The following HDAC9 variants were observed in gnomAD, a reference collection of about 807,000 sequenced individuals.
HDAC9 encodes MEF-2 interacting transcription repressor (MITR) protein.
HDAC9 carries 41 observed loss-of-function variants against 139.4 expected under a neutral mutation model. The observed-to-expected ratio is 0.29, with a 90% CI of 0.23 to 0.38. The LOEUF (loss-of-function observed/expected upper bound fraction) is 0.38. HDAC9 is among the 10% of genes least tolerant of loss of function. HDAC9 has a pLI of 1.00. For missense variants in HDAC9, 1,147 were observed against 1,297.0 expected (o/e 0.88, Z 1.78); for synonymous variants, 517 against 476.2 (o/e 1.09, Z -1.12).
chr7:18,803,053 C>G (rs910151895), intron 17 of HDAC9, among the ~76,000 whole-genome samples: 1 of 151,412 alleles, frequency 6.6e-6, no homozygotes, highest in Non-Finnish European at 1.5e-5. Flanking sequence ...TTGGTTTGTC[C>G]CCTTACTTTC....
At chr7:18,727,890 C>A in intron 13 of HDAC9, 133 bp downstream of exon 13, 2 of 620,614 alleles carry the variant, frequency 3.2e-6, no homozygotes, top group Non-Finnish European at 5.1e-6. Context: ...CCAAATTTTA[C>A]GAGGTTATAT....
chr7:18,717,391 C>A (rs1484929502), intron 12 of HDAC9, among the ~76,000 whole-genome samples: 1 of 151,856 alleles, frequency 6.6e-6, no homozygotes, highest in East Asian at 1.9e-4. Context: ...TTTTACTGAG[C>A]ACTTCACCTT....
chr7:18,562,964 T>G (rs1164047399), intron 2 of HDAC9, among the ~76,000 whole-genome samples: 1 of 152,170 alleles, frequency 6.6e-6, no homozygotes, highest in Non-Finnish European at 1.5e-5. Flanking sequence ...TTTGCACTTT[T>G]GTTAAATTTA....
intron 12 of HDAC9, among the ~76,000 whole-genome samples, chr7:18,718,951 A>G (rs925682660): frequency 6.6e-6 from 1 of 152,162 alleles, no homozygotes; most frequent in African/African-American, 2.4e-5. Context: ...TTTTTTATTT[A>G]TAATAAACAT....
chr7:18,907,189 G>T (rs889967641), intron 22 of HDAC9, among the ~76,000 whole-genome samples: 7 of 152,128 alleles, frequency 4.6e-5, no homozygotes, highest in African/African-American at 1.7e-4. Flanking sequence ...ATGGAAAGGT[G>T]TATTTTTTCT....
At chr7:18,109,700 C>G (rs1783480848) in intron 1 of HDAC9, among the ~76,000 whole-genome samples, 1 of 151,676 alleles carries the variant, frequency 6.6e-6, no homozygotes, top group African/African-American at 2.4e-5. Context: ...GTTGGACATT[C>G]TTTGTAAAAT....
At chr7:18,957,357 C>T (rs1783224336) in intron 24 of HDAC9, among the ~76,000 whole-genome samples, 1 of 152,154 alleles carries the variant, frequency 6.6e-6, no homozygotes, top group Admixed American at 6.6e-5. Flanking sequence ...GAGTCTTAAA[C>T]TTCATAATGG....
At chr7:18,469,942 C>T (rs1053726841) in intron 1 of HDAC9, among the ~76,000 whole-genome samples, 12 of 152,052 alleles carry the variant, frequency 7.9e-5, no homozygotes, top group African/African-American at 2.9e-4. Context: ...ATATAAGGAG[C>T]TATGTCAGAA....
chr7:18,286,273 T>C (rs190223227), upstream of HDAC9, among the ~76,000 whole-genome samples: 478 of 151,928 alleles, frequency 3.1e-3, 1 homozygote, highest in Non-Finnish European at 5.5e-3. Context: ...TCTCTAAAAA[T>C]TGTATCATCA....
chr7:18,648,023 A>G, intron 10 of HDAC9, 25 bp downstream of exon 10: 1 of 1,522,186 alleles, frequency 6.6e-7, no homozygotes, highest in Non-Finnish European at 9.0e-7. Flanking sequence ...CACCATTTGC[A>G]GGTCATTTTA....
intron 25 of HDAC9, among the ~76,000 whole-genome samples, chr7:18,983,994 C>T (rs954134747): frequency 1.3e-5 from 2 of 152,068 alleles, no homozygotes; most frequent in African/African-American, 4.8e-5. Flanking sequence ...ACTTCTTCTT[C>T]TTGAAAAATA....
chr7:18,780,251 C>A (rs1377999368), intron 16 of HDAC9, among the ~76,000 whole-genome samples: 2 of 152,156 alleles, frequency 1.3e-5, no homozygotes, highest in East Asian at 1.9e-4. Context: ...TTATTGTCTT[C>A]TCTGGGGATC....
At chr7:18,396,066 C>T (rs898561582) in intron 1 of HDAC9, among the ~76,000 whole-genome samples, 3 of 113,908 alleles carry the variant, frequency 2.6e-5, no homozygotes, top group African/African-American at 9.1e-5. Flanking sequence ...CTGCCAATGA[C>T]TCTCAAAGTG....
chr7:18,853,955 T>A (rs182955496), intron 21 of HDAC9, among the ~76,000 whole-genome samples: 1 of 152,294 alleles, frequency 6.6e-6, no homozygotes, highest in Admixed American at 6.6e-5. Context: ...TCCAGCTGAC[T>A]GTAATATTTA....
At chr7:18,580,975 G>A (rs1827639946) in intron 2 of HDAC9, among the ~76,000 whole-genome samples, 1 of 152,112 alleles carries the variant, frequency 6.6e-6, no homozygotes, top group South Asian at 2.1e-4. Flanking sequence ...GGAATATGAT[G>A]AGCCTTTGTC....
At chr7:18,750,282 T>C (rs1033045863) in intron 14 of HDAC9, among the ~76,000 whole-genome samples, 1 of 152,180 alleles carries the variant, frequency 6.6e-6, no homozygotes, top group Non-Finnish European at 1.5e-5. Context: ...TTTGTTTCTT[T>C]AAAGGGTGGA....
chr7:18,536,932 AC>A (rs1467677678), intron 2 of HDAC9, among the ~76,000 whole-genome samples: 1 of 152,222 alleles, frequency 6.6e-6, no homozygotes. Context: ...TGCATAAAAT[AC>A]TATGTGTATA....
chr7:18,534,307 C>T (rs1810108210), intron 2 of HDAC9, among the ~76,000 whole-genome samples: 1 of 152,174 alleles, frequency 6.6e-6, no homozygotes, highest in African/African-American at 2.4e-5. Context: ...GTAATGCTAG[C>T]ACTTTGGGAG....
intron 1 of HDAC9, among the ~76,000 whole-genome samples, chr7:18,415,916 G>T (rs1789011899): frequency 6.6e-6 from 1 of 152,020 alleles, no homozygotes; most frequent in African/African-American, 2.4e-5. Context: ...AATCATCTAT[G>T]CATTTTTTTG....
Sources: allele counts gnomAD v4.1 joint callset (sites outside exome capture counted in the v4.1 genomes callset), GRCh38; gene constraint gnomAD v4.1.1; transcripts MANE v1.5; gene names NCBI Gene and HGNC (gene_info 2026-07-23, HGNC 2026-07-21).